Variants in PPRC1 observed in about 807,000 individuals in gnomAD.
PPRC1 encodes the protein PPARG related coactivator 1.
Under a neutral mutation model 132.5 loss-of-function variants are expected in PPRC1, and 23 were observed. The ratio of observed to expected loss-of-function variants is 0.17; its 90% CI spans 0.12 to 0.25. The LOEUF is 0.25. Ranked by LOEUF, PPRC1 falls within the 10% of genes least tolerant of loss-of-function variation. The probability of loss-of-function intolerance (pLI) is 1.00; values close to 1 mark genes in which losing one functional copy is unlikely to be tolerated. For synonymous variants in PPRC1, 872 were observed against 833.5 expected (o/e 1.05, Z -0.80); for missense variants, 2,006 against 2,089.1 (o/e 0.96, Z 0.78).
chr10:102,141,484 A>G lies in PPRC1; in HGVS notation c.2976A>G (p.Pro992=). The G allele has an allele frequency of 6.2e-7, 1 of 1,613,552 alleles. No homozygotes were observed. Among genetic ancestry groups the G allele is most frequent in the Non-Finnish European group, 8.5e-7 (1 of 1,179,898 alleles). The part of the protein sequence containing the change: ...LGWGPGPQHA[P]FWSTVPPPPL... ...GGGGCCCAGGGCCTCAACATGCTCCATTCTGGTCTACTGTTCCCCCACCTC... is the reference window on the plus strand; with the variant it reads ...GGGGCCCAGGGCCTCAACATGCTCCGTTCTGGTCTACTGTTCCCCCACCTC... Residue 992 remains proline, a synonymous_variant, in exon 5 of 14, where the codon CCA becomes CCG. Coordinates refer to ENST00000278070, the MANE Select transcript of PPRC1 (RefSeq NM_015062.5).
At position 102,146,763 on chromosome 10, in the gene PPRC1, C is replaced by T. The variant is rs147989269; in HGVS notation, c.3771C>T (p.Thr1257=). The T allele has an allele frequency of 2.0e-5, 33 of 1,614,098 alleles. No individual in the cohort carries two copies. Among genetic ancestry groups the T allele is most frequent in the Admixed American group, 1.3e-4 (8 of 60,020 alleles). ...CCAAAGCCAAATCTCCTAAGTCCAC[C>T]GCCCAGGAGGGAACCCTGAAGCCTG... The part of the protein sequence containing the change: ...LLAKAKSPKS[T]AQEGTLKPEG... Residue 1257 remains threonine, a synonymous_variant, in exon 9 of 14, where the codon ACC becomes ACT. Coordinates refer to ENST00000278070, the MANE Select transcript of PPRC1 (RefSeq NM_015062.5).
At chr10:102,123,290 C>A in the PPRC1 span, among the ~76,000 whole-genome samples, 1 of 152,004 alleles carries the variant, frequency 6.6e-6, no homozygotes, top group East Asian at 1.9e-4. Flanking sequence ...AAGAGAACAT[C>A]TTTGGAGCAT....
the PPRC1 span, among the ~76,000 whole-genome samples, chr10:102,125,583 C>A: frequency 6.6e-6 from 1 of 151,674 alleles, no homozygotes; most frequent in Admixed American, 6.6e-5. Flanking sequence ...CAATACTAGT[C>A]ATTAGTGCAA....
intron 1 of PPRC1, among the ~76,000 whole-genome samples, chr10:102,137,150 C>A (rs2068756237): frequency 6.6e-6 from 1 of 152,108 alleles, no homozygotes; most frequent in African/African-American, 2.4e-5. Flanking sequence ...ACCAGCCTGG[C>A]CAATAAGGTG....
At position 102,147,189 on chromosome 10, in the gene PPRC1, G is replaced by T. The variant is rs1168075837; in HGVS notation, c.4197G>T (p.Gln1399His). 1.2e-6 allele frequency: 2 copies of T among 1,614,044 alleles called. No individual in the cohort carries two copies. The highest frequency in any genetic ancestry group is 1.7e-6 in the Non-Finnish European group (2 of 1,180,052). Residue 1399 changes from glutamine (Q) to histidine (H), a missense_variant, in exon 9 of 14, where the codon CAG becomes CAT. Physicochemically the swap from Gln to His is conservative, Grantham distance 24. Around this residue, in one of 2 missense-constraint regions of PPRC1, gnomAD observed 1,914 missense variants for 1,917.2 expected, o/e 1.00. Coordinates refer to ENST00000278070, the MANE Select transcript of PPRC1 (RefSeq NM_015062.5). ...CTCCCCCTGAACCCTCAGCCAAGCA[G>T]CGGTCAATGCGCTGTTACCGAAAAG... The part of the protein sequence containing the change: ...TRTPPEPSAK[Q>H]RSMRCYRKAC...
chr10:102,136,284 C>T (rs2068718043), intron 1 of PPRC1, among the ~76,000 whole-genome samples: 1 of 151,936 alleles, frequency 6.6e-6, no homozygotes, highest in South Asian at 2.1e-4. Context: ...CGTTGGTACT[C>T]AGCTCTGTTA....
chr10:102,145,098 C>A lies in PPRC1; in HGVS notation c.3679+8C>A. ...AACTGGCCAACGTGGCAGGTGGGTT[C>A]AGGGTGGGGAATTCTGCCTGTGATT... On this transcript the variant is annotated splice_region_variant and intron_variant, in intron 8 of 13. Transcript: ENST00000278070. 2 of 1,610,384 alleles carry A rather than the reference C, an allele frequency of 1.2e-6. No individual in the cohort carries two copies. Among genetic ancestry groups the A allele is most frequent in the Non-Finnish European group, 1.7e-6 (2 of 1,176,712 alleles).
intron 1 of PPRC1, among the ~76,000 whole-genome samples, chr10:102,136,948 G>A (rs1215454423): frequency 6.6e-6 from 1 of 152,232 alleles, no homozygotes; most frequent in African/African-American, 2.4e-5. Flanking sequence ...AGGGAATCAA[G>A]CTTTCTCTTC....
chr10:102,149,001 T>C (rs1441275286), intron 12 of PPRC1, 63 bp downstream of exon 12: 1 of 1,593,750 alleles, frequency 6.3e-7, no homozygotes, highest in Non-Finnish European at 8.5e-7. Context: ...TGGTGTTTCT[T>C]TGTCTTGCCT....
Position 102,147,364 on chromosome 10 carries a change from C to T in PPRC1, c.4372C>T (p.Leu1458Phe), listed in dbSNP as rs759287093. 5 of 1,607,400 alleles carry T rather than the reference C, an allele frequency of 3.1e-6. No homozygotes were observed. The highest frequency in any genetic ancestry group is 2.2e-5 in the East Asian group (1 of 44,872). The change falls in exon 9 of 14, where the codon CTC (leucine) becomes TTC (phenylalanine). Residue 1458 changes from leucine to phenylalanine, a missense_variant. Physicochemically the swap from Leu to Phe is conservative, Grantham distance 22. Around this residue, in one of 2 missense-constraint regions of PPRC1, gnomAD observed 1,914 missense variants for 1,917.2 expected, o/e 1.00. Coordinates refer to ENST00000278070, the MANE Select transcript of PPRC1 (RefSeq NM_015062.5). ...CTCATCCCGATCTCGGTCCAGGTCC[C>T]TCTCCCCCCCACACAAGAGGTGGCG... is the stretch of plus-strand genomic sequence containing the variant. ...SSSSRSRSRS[L>F]SPPHKRWRRS...
chr10:102,123,402 G>A, the PPRC1 span, among the ~76,000 whole-genome samples: 1 of 151,532 alleles, frequency 6.6e-6, no homozygotes, highest in Admixed American at 6.6e-5. Flanking sequence ...TGTGGAGGGG[G>A]GGTCTTTAAC....
the PPRC1 span, among the ~76,000 whole-genome samples, chr10:102,123,364 G>A: frequency 6.6e-6 from 1 of 151,926 alleles, no homozygotes; most frequent in Non-Finnish European, 1.5e-5. Flanking sequence ...CAGACAGAAG[G>A]GATGTGGTAG....
intron 5 of PPRC1, among the ~76,000 whole-genome samples, chr10:102,142,537 G>A (rs1023052768): frequency 2.1e-5 from 3 of 139,972 alleles, no homozygotes; most frequent in Non-Finnish European, 3.0e-5. Context: ...TCCTGCCTCA[G>A]CCTCCCCAGT....
intron 6 of PPRC1, among the ~76,000 whole-genome samples, chr10:102,143,547 C>T (rs369832555): frequency 8.1e-5 from 12 of 148,020 alleles, no homozygotes; most frequent in African/African-American, 2.3e-4. Context: ...TGCAGTGAGC[C>T]GAGATCGTGC....
the PPRC1 span, among the ~76,000 whole-genome samples, chr10:102,126,751 A>G: frequency 6.6e-6 from 1 of 151,798 alleles, no homozygotes; most frequent in Non-Finnish European, 1.5e-5. Flanking sequence ...AAGACACCAC[A>G]CCCAGCCGCA....
At chr10:102,126,592 G>A in the PPRC1 span, among the ~76,000 whole-genome samples, 3 of 151,562 alleles carry the variant, frequency 2.0e-5, no homozygotes, top group Non-Finnish European at 1.5e-5. Flanking sequence ...CCACGTAGCT[G>A]GGATTACAAG....
At chr10:102,149,741 A>AT (rs1445895342) in intron 13 of PPRC1, among the ~76,000 whole-genome samples, 185 bp from the exon 14 acceptor site, 4 of 151,962 alleles carry the variant, frequency 2.6e-5, no homozygotes, top group Non-Finnish European at 5.9e-5. Context: ...AAAAAAAAAA[A>AT]AAAAAAGACC....
the PPRC1 span, among the ~76,000 whole-genome samples, chr10:102,121,024 C>T: frequency 6.6e-6 from 1 of 152,192 alleles, no homozygotes; most frequent in African/African-American, 2.4e-5. Context: ...CTCACCCCTT[C>T]CCTAAATTAA....
the PPRC1 span, among the ~76,000 whole-genome samples, chr10:102,123,463 G>A: frequency 6.6e-6 from 1 of 152,082 alleles, no homozygotes; most frequent in Non-Finnish European, 1.5e-5. Context: ...TGTATGGATG[G>A]GTGTAAGTGC....
Sources: allele counts gnomAD v4.1 joint callset (sites outside exome capture counted in the v4.1 genomes callset), GRCh38; gene constraint gnomAD v4.1.1; regional missense constraint gnomAD v4.1.1; transcripts MANE v1.5; gene names NCBI Gene and HGNC (gene_info 2026-07-23, HGNC 2026-07-21).